The following DSCAM variants were observed in gnomAD, a reference collection of about 807,000 sequenced individuals.
DSCAM encodes the protein cell adhesion molecule DSCAM.
A neutral mutation model predicts 217.7 loss-of-function variants in DSCAM; 47 were observed. That is an observed-to-expected ratio of 0.22 (90% CI 0.17 to 0.28). The LOEUF (loss-of-function observed/expected upper bound fraction) is 0.28. Among genes scored for constraint, DSCAM ranks in the 10% least tolerant of loss-of-function variants. DSCAM has a pLI of 1.00. For synonymous variants in DSCAM, 1,056 were observed against 1,015.3 expected, an observed-to-expected ratio of 1.04 and a Z score of -0.76; for missense variants, 2,080 against 2,618.3, an observed-to-expected ratio of 0.79 and a Z score of 4.49.
At chr21:40,666,195 T>C (rs1052712681) in intron 3 of DSCAM, among the ~76,000 whole-genome samples, 3 of 152,140 alleles carry the variant, frequency 2.0e-5, no homozygotes, top group Non-Finnish European at 2.9e-5. Context: ...CACATACTGA[T>C]GATGGGTGGC....
At chr21:40,317,300 G>C (rs2123507242) in intron 8 of DSCAM, among the ~76,000 whole-genome samples, 1 of 152,284 alleles carries the variant, frequency 6.6e-6, no homozygotes, top group South Asian at 2.1e-4. Flanking sequence ...GTCTGATACA[G>C]TTCTCCACAA....
intron 1 of DSCAM, among the ~76,000 whole-genome samples, chr21:40,792,088 C>T (rs1429085765): frequency 1.3e-5 from 2 of 151,016 alleles, no homozygotes; most frequent in African/African-American, 4.9e-5. Flanking sequence ...CACGTCTTCA[C>T]ATGGCCATCC....
intron 3 of DSCAM, among the ~76,000 whole-genome samples, chr21:40,518,617 T>C (rs144690656): frequency 0.015 from 1,736 of 114,020 alleles, 70 homozygotes; most frequent in African/African-American, 0.066. Context: ...TACACACACA[T>C]ATATATACAT....
intron 3 of DSCAM, among the ~76,000 whole-genome samples, chr21:40,682,208 T>A: frequency 6.6e-6 from 1 of 151,582 alleles, no homozygotes; most frequent in African/African-American, 2.4e-5. Context: ...GGGGAGTGAA[T>A]AAGCAGGACC....
At chr21:40,138,502 T>C (rs971129305) in intron 18 of DSCAM, among the ~76,000 whole-genome samples, 2 of 143,812 alleles carry the variant, frequency 1.4e-5, no homozygotes, top group Non-Finnish European at 3.0e-5. Flanking sequence ...GGTGTGTGTG[T>C]GTGCATATGT....
At chr21:40,727,886 G>A (rs993325491) in intron 1 of DSCAM, among the ~76,000 whole-genome samples, 54 of 152,114 alleles carry the variant, frequency 3.5e-4, no homozygotes, top group Admixed American at 1.6e-3. Context: ...GGATCCCACC[G>A]CAGCCACACT....
At chr21:40,147,506 C>CAGTCCTTAGTTCAGAACTAAGTTT (rs2090370843) in intron 16 of DSCAM, among the ~76,000 whole-genome samples, 1 of 152,158 alleles carries the variant, frequency 6.6e-6, no homozygotes, top group Admixed American at 6.5e-5. Context: ...AGAAGAACTA[C>CAGTCCTTAGTTCAGAACTAAGTTT]ATTTCAGTCC....
intron 3 of DSCAM, among the ~76,000 whole-genome samples, chr21:40,637,430 TA>T (rs1416961564): frequency 6.0e-5 from 1 of 16,612 alleles, no homozygotes; most frequent in African/African-American, 2.5e-4. Flanking sequence ...TATAAATATA[TA>T]AATATAAATA....
intron 11 of DSCAM, among the ~76,000 whole-genome samples, chr21:40,232,545 A>G (rs1056090729): frequency 6.6e-6 from 1 of 152,166 alleles, no homozygotes; most frequent in Non-Finnish European, 1.5e-5. Context: ...GTGCCCGGAA[A>G]GCTACTGCCC....
intron 3 of DSCAM, among the ~76,000 whole-genome samples, chr21:40,639,067 T>C (rs2089844171): frequency 7.3e-6 from 1 of 136,202 alleles, no homozygotes; most frequent in Admixed American, 8.2e-5. Flanking sequence ...GACCCATAAA[T>C]ATCCTGCATT....
intron 8 of DSCAM, among the ~76,000 whole-genome samples, chr21:40,316,668 CAAG>C (rs897360794): frequency 1.3e-5 from 2 of 152,104 alleles, no homozygotes; most frequent in African/African-American, 4.8e-5. Flanking sequence ...ACCCTTTCTA[CAAG>C]AAGTACGTAA....
intron 3 of DSCAM, among the ~76,000 whole-genome samples, chr21:40,530,541 A>C (rs2076435233): frequency 6.6e-6 from 1 of 152,234 alleles, no homozygotes; most frequent in African/African-American, 2.4e-5. Flanking sequence ...GAAAGACTCA[A>C]GTGCTTGGCT....
At chr21:40,229,680 C>T (rs910438970) in intron 11 of DSCAM, among the ~76,000 whole-genome samples, 2 of 152,190 alleles carry the variant, frequency 1.3e-5, no homozygotes, top group African/African-American at 2.4e-5. Flanking sequence ...CATCATTCTA[C>T]TTTATAGCTG....
In DSCAM at chr21:40,816,719, AT is replaced by A. The variant is rs142681855; in HGVS notation, c.43+29899del. On this transcript the variant is annotated intron_variant, in intron 1 of 32. Transcript: ENST00000400454. ...CTGAAGTCCTAGCCCAAGGGGATACATTTTTTTTCTTATTAAGCAACGCTGC... is the reference window on the plus strand; with the variant it reads ...CTGAAGTCCTAGCCCAAGGGGATACATTTTTTTCTTATTAAGCAACGCTGC... 6.5e-3 allele frequency among the ~76,000 whole-genome samples: 989 copies of A among 152,104 alleles called. 7 individuals are homozygous for A. Among genetic ancestry groups the A allele is most frequent in the African/African-American group, 0.022 (922 of 41,500 alleles).
At chr21:40,551,381 T>C (rs2076628521) in intron 3 of DSCAM, among the ~76,000 whole-genome samples, 1 of 152,186 alleles carries the variant, frequency 6.6e-6, no homozygotes, top group Non-Finnish European at 1.5e-5. Flanking sequence ...AGACCTGGAA[T>C]CAGTAGAAAG....
At chr21:40,177,732 A>G (rs8130311) in intron 15 of DSCAM, among the ~76,000 whole-genome samples, 53,326 of 152,166 alleles carry the variant, frequency 0.35, 9,468 homozygotes, top group African/African-American at 0.39. Flanking sequence ...TGTTAAACAC[A>G]TAGTGAGAGA....
At chr21:40,739,605 C>T (rs1266118898) in intron 1 of DSCAM, among the ~76,000 whole-genome samples, 1 of 152,092 alleles carries the variant, frequency 6.6e-6, no homozygotes, top group Non-Finnish European at 1.5e-5. Flanking sequence ...AACTTAATGA[C>T]ATTATTTTAA....
rs1568987309 is a variant in DSCAM, at chr21:40,183,129, A to ACCAGAGAAACCGTGGACAGGAGG, written c.2779+4001_2779+4002insCCTCCTGTCCACGGTTTCTCTGG. ...TTACCAGAGAAACCGTGGACAGGAGAGGCAACAAGAGAACCTGCGGACAGG... is the reference window on the plus strand; with the variant it reads ...TTACCAGAGAAACCGTGGACAGGAGACCAGAGAAACCGTGGACAGGAGGGGCAACAAGAGAACCTGCGGACAGG... On this transcript the variant is annotated intron_variant, in intron 14 of 32. Transcript: ENST00000400454. 1.3e-4 allele frequency among the ~76,000 whole-genome samples: 6 copies of ACCAGAGAAACCGTGGACAGGAGG among 47,932 alleles called. 1 individual carries two copies. The highest frequency in any genetic ancestry group is 2.3e-4 in the Non-Finnish European group (6 of 25,926). The allele number at this position is 47,932 out of a possible 152,430, so 31.4% of individuals were successfully genotyped here.
chr21:40,183,244 T>C (rs950127308), intron 14 of DSCAM, among the ~76,000 whole-genome samples: 4 of 152,292 alleles, frequency 2.6e-5, no homozygotes, highest in South Asian at 2.1e-4. Context: ...ACGAATCTGC[T>C]GGAGGTCCCC....
Sources: gnomAD v4.1 joint callset for allele counts (sites outside exome capture counted in the v4.1 genomes callset) on GRCh38, gnomAD v4.1.1 for gene constraint, MANE v1.5 for transcripts, NCBI Gene and HGNC (gene_info 2026-07-23, HGNC 2026-07-21) for gene names.